The following GALNT13 variants were observed in gnomAD, a reference collection of about 807,000 sequenced individuals.
GALNT13 encodes the protein polypeptide N-acetylgalactosaminyltransferase 13.
A neutral mutation model predicts 64.2 loss-of-function variants in GALNT13; 28 were observed. The observed-to-expected ratio is 0.44, with a 90% CI of 0.32 to 0.60. The LOEUF (loss-of-function observed/expected upper bound fraction) is 0.60, where lower values mean the gene tolerates loss of function less well. Among genes scored for constraint, GALNT13 ranks in the 20% least tolerant of loss-of-function variants. The probability of loss-of-function intolerance (pLI) is 0.05; values close to 1 mark genes in which losing one functional copy is unlikely to be tolerated. For missense variants in GALNT13, 577 were observed against 669.8 expected, an observed-to-expected ratio of 0.86 and a Z score of 1.53; for synonymous variants, 214 against 224.6, an observed-to-expected ratio of 0.95 and a Z score of 0.42.
At chr2:153,683,309 A>G in the GALNT13 span, among the ~76,000 whole-genome samples, 25 of 151,804 alleles carry the variant, frequency 1.6e-4, no homozygotes, top group Non-Finnish European at 7.4e-5. Context: ...TGCTAGACGC[A>G]GTGCCTAGCA....
chr2:153,518,467 T>C, the GALNT13 span, among the ~76,000 whole-genome samples: 1 of 152,148 alleles, frequency 6.6e-6, no homozygotes, highest in African/African-American at 2.4e-5. Flanking sequence ...GTTTCTGAAG[T>C]AGAAATCCAA....
At chr2:153,584,389 G>A in the GALNT13 span, among the ~76,000 whole-genome samples, 1 of 152,160 alleles carries the variant, frequency 6.6e-6, no homozygotes, top group East Asian at 1.9e-4. Flanking sequence ...CAGGAACAGA[G>A]GTTGGTCATA....
intron 4 of GALNT13, among the ~76,000 whole-genome samples, chr2:154,146,544 A>G (rs1174478404): frequency 1.3e-5 from 2 of 152,088 alleles, no homozygotes; most frequent in African/African-American, 4.8e-5. Context: ...GCTACCCTAA[A>G]ATATGCGAAT....
At chr2:154,319,404 G>A (rs191870422) in intron 9 of GALNT13, among the ~76,000 whole-genome samples, 5 of 152,190 alleles carry the variant, frequency 3.3e-5, no homozygotes, top group South Asian at 4.1e-4. Context: ...AGTGGCTTAC[G>A]CCTGTAATCC....
chr2:153,641,751 T>C, the GALNT13 span, among the ~76,000 whole-genome samples: 3 of 152,080 alleles, frequency 2.0e-5, no homozygotes, highest in African/African-American at 7.2e-5. Flanking sequence ...TTAATTTTCT[T>C]TAAGAAAATA....
At chr2:153,780,822 T>G in the GALNT13 span, among the ~76,000 whole-genome samples, 1 of 152,170 alleles carries the variant, frequency 6.6e-6, no homozygotes, top group Non-Finnish European at 1.5e-5. Flanking sequence ...GGTTATTATG[T>G]GCCTAGCACT....
At chr2:154,073,676 A>G (rs1344723909) in intron 3 of GALNT13, among the ~76,000 whole-genome samples, 1 of 151,952 alleles carries the variant, frequency 6.6e-6, no homozygotes, top group African/African-American at 2.4e-5. Context: ...AAATCAATAT[A>G]TTTAACCAAT....
In GALNT13 at chr2:154,363,772, C is replaced by A. The variant is rs1422854355; in HGVS notation, c.1157-32219C>A. On this transcript the variant is annotated intron_variant, in intron 9 of 12. Transcript: ENST00000392825. ...CTATGCCTTCCACATCATGTTTATG[C>A]AATTGTGTTTTAAAGTCAATGTCTA... Among the ~76,000 whole-genome samples, 3 of 152,130 alleles carry A rather than the reference C, an allele frequency of 2.0e-5. No homozygotes were observed. The East Asian group carries it at 5.8e-4, about 29-fold the overall frequency.
At chr2:153,173,724 A>G in the GALNT13 span, among the ~76,000 whole-genome samples, 1,078 of 152,320 alleles carry the variant, frequency 7.1e-3, 11 homozygotes, top group African/African-American at 0.024. Flanking sequence ...AAAAGTCTTC[A>G]TCATTCCAGC....
intron 2 of GALNT13, among the ~76,000 whole-genome samples, chr2:153,939,305 G>T (rs1519205): frequency 6.6e-6 from 1 of 151,998 alleles, no homozygotes; most frequent in African/African-American, 2.4e-5. Context: ...CTAGTAATTC[G>T]TATATTTAAG....
At chr2:154,327,876 T>C (rs538770168) in intron 9 of GALNT13, among the ~76,000 whole-genome samples, 5 of 152,146 alleles carry the variant, frequency 3.3e-5, no homozygotes, top group African/African-American at 7.2e-5. Context: ...CTTTCTAAAT[T>C]AGCTTTTTAA....
the GALNT13 span, among the ~76,000 whole-genome samples, chr2:153,196,370 G>C: frequency 1.8e-4 from 28 of 152,086 alleles, no homozygotes; most frequent in South Asian, 5.6e-3. Context: ...GTGGCAGGGG[G>C]CTGTTATGTT....
intron 4 of GALNT13, among the ~76,000 whole-genome samples, chr2:154,196,273 A>T (rs1250310983): frequency 6.6e-6 from 1 of 152,140 alleles, no homozygotes; most frequent in Admixed American, 6.5e-5. Context: ...TTCAGATCAA[A>T]CCATAGTCAG....
the GALNT13 span, among the ~76,000 whole-genome samples, chr2:153,655,505 A>G: frequency 1.6e-4 from 25 of 152,112 alleles, no homozygotes; most frequent in Non-Finnish European, 2.2e-4. Flanking sequence ...GTGATTACCA[A>G]TAAATCGATC....
chr2:153,555,260 T>C, the GALNT13 span, among the ~76,000 whole-genome samples: 2 of 100,708 alleles, frequency 2.0e-5, no homozygotes, highest in Non-Finnish European at 4.1e-5. Flanking sequence ...AGTGGCGCGA[T>C]CTCGGCTCAC....
intron 9 of GALNT13, among the ~76,000 whole-genome samples, chr2:154,352,974 T>G (rs988043438): frequency 6.6e-6 from 1 of 152,172 alleles, no homozygotes; most frequent in African/African-American, 2.4e-5. Context: ...GCTTTGACAG[T>G]TACTCAGAAA....
the GALNT13 span, among the ~76,000 whole-genome samples, chr2:153,070,040 G>A: frequency 6.6e-6 from 1 of 152,116 alleles, no homozygotes; most frequent in African/African-American, 2.4e-5. Flanking sequence ...TACTCACTCA[G>A]AATTTTTTAA....
chr2:154,032,645 A>G (rs1319577992), intron 3 of GALNT13, among the ~76,000 whole-genome samples: 1 of 152,002 alleles, frequency 6.6e-6, no homozygotes, highest in Non-Finnish European at 1.5e-5. Context: ...ATTAATAAAG[A>G]AGAAAATTCA....
intron 8 of GALNT13, among the ~76,000 whole-genome samples, chr2:154,264,377 T>G (rs1690865235): frequency 6.6e-6 from 1 of 151,310 alleles, no homozygotes; most frequent in Non-Finnish European, 1.5e-5. Flanking sequence ...ATCCCAGCAC[T>G]TTGAGAGATC....
Sources: allele counts gnomAD v4.1 joint callset (sites outside exome capture counted in the v4.1 genomes callset), GRCh38; gene constraint gnomAD v4.1.1; transcripts MANE v1.5; gene names NCBI Gene and HGNC (gene_info 2026-07-23, HGNC 2026-07-21).